Variants in GSTZ1 observed in about 807,000 individuals in gnomAD.
GSTZ1 encodes glutathione S-transferase zeta 1.
Under a neutral mutation model 35.9 loss-of-function variants are expected in GSTZ1, and 34 were observed. The ratio of observed to expected loss-of-function variants is 0.95; its 90% CI spans 0.72 to 1.26. The LOEUF is 1.26. Ranked by LOEUF, GSTZ1 falls within the 50% of genes most tolerant of loss-of-function variation. The pLI, the probability that GSTZ1 is intolerant of heterozygous loss-of-function variation, is 0.00. For synonymous variants in GSTZ1, 93 were observed against 101.2 expected, an observed-to-expected ratio of 0.92 and a Z score of 0.49; for missense variants, 263 against 271.7, an observed-to-expected ratio of 0.97 and a Z score of 0.23.
At chr14:77,327,177 C>T (rs1892363117) in intron 3 of GSTZ1, 1 of 593,164 alleles carries the variant, frequency 1.7e-6, no homozygotes, top group East Asian at 2.8e-5. Context: ...GGTCCCCACC[C>T]CATACTGGGC....
intron 1 of GSTZ1, 108 bp downstream of exon 1, chr14:77,321,291 CGGCATGCAGT>C (rs1891937622): frequency 6.6e-7 from 1 of 1,521,156 alleles, no homozygotes; most frequent in Non-Finnish European, 8.9e-7. Flanking sequence ...CAACGACTCC[CGGCATGCAGT>C]GCTTTGCGCC....
intron 1 of GSTZ1, chr14:77,324,570 A>T (rs1892207596): frequency 1.3e-6 from 2 of 1,530,432 alleles, no homozygotes; most frequent in African/African-American, 1.4e-5. Context: ...GCCAGAGGGG[A>T]CATTTCCTGG....
intron 8 of GSTZ1, 149 bp downstream of exon 8, chr14:77,330,508 G>GA: frequency 1.4e-6 from 1 of 707,582 alleles, no homozygotes; most frequent in Non-Finnish European, 2.6e-6. Flanking sequence ...CTGCCTGGAA[G>GA]AGGGCAGAAG....
chr14:77,325,015 G>T (rs980561377), intron 2 of GSTZ1, 94 bp downstream of exon 2: 6 of 1,075,470 alleles, frequency 5.6e-6, no homozygotes, highest in Non-Finnish European at 8.7e-6. Flanking sequence ...TGGAAGGGTT[G>T]CTCTGTCAGA....
intron 1 of GSTZ1, chr14:77,322,817 C>G (rs775139452): frequency 5.5e-5 from 28 of 513,256 alleles, no homozygotes; most frequent in Non-Finnish European, 2.8e-5. Context: ...TGCCATCTAG[C>G]AGACTGAGTT....
At chr14:77,324,635 C>G in intron 1 of GSTZ1, 1 of 1,524,518 alleles carries the variant, frequency 6.6e-7, no homozygotes, top group Non-Finnish European at 8.8e-7. Flanking sequence ...ATGGAAGGCA[C>G]TCTCAGGCTA....
chr14:77,321,522 T>A, intron 1 of GSTZ1: 1 of 1,332,846 alleles, frequency 7.5e-7, no homozygotes, highest in Non-Finnish European at 9.7e-7. Flanking sequence ...GCCTCCCAAT[T>A]TCTCGCAGCC....
intron 8 of GSTZ1, 23 bp downstream of exon 8, chr14:77,330,382 T>G (rs745749371): frequency 1.3e-6 from 2 of 1,588,520 alleles, no homozygotes; most frequent in South Asian, 2.2e-5. Flanking sequence ...CCCGCCACCC[T>G]CCCTTCTCGT....
chr14:77,321,110 C>A lies in GSTZ1; in HGVS notation c.-59C>A. On this transcript the variant is annotated 5_prime_UTR_variant, in exon 1 of 9. Coordinates refer to ENST00000216465, the MANE Select transcript of GSTZ1 (RefSeq NM_145870.3). ...TCGAGTCTCACTGAGCCTTAGTCGTCGGCAGGTCCCAGGCGCGAAGTTTCT... is the reference window on the plus strand; with the variant it reads ...TCGAGTCTCACTGAGCCTTAGTCGTAGGCAGGTCCCAGGCGCGAAGTTTCT... 1 of 1,434,280 alleles carries A rather than the reference C, an allele frequency of 7.0e-7. No homozygotes were observed. The highest frequency in any genetic ancestry group is 9.2e-7 in the Non-Finnish European group (1 of 1,085,672). 88.8% of individuals were successfully genotyped at this position (1,434,280 alleles called of 1,614,324 possible).
intron 8 of GSTZ1, 64 bp downstream of exon 8, chr14:77,330,423 TG>T: frequency 7.6e-7 from 1 of 1,307,746 alleles, no homozygotes; most frequent in Non-Finnish European, 1.1e-6. Flanking sequence ...CCCACTCAGC[TG>T]GCGAGATAGC....
chr14:77,329,055 G>A, intron 5 of GSTZ1, 68 bp from the exon 6 acceptor site: 1 of 1,078,918 alleles, frequency 9.3e-7, no homozygotes, highest in Non-Finnish European at 1.4e-6. Flanking sequence ...TTCCCTGAGG[G>A]GGTTTGGCGA....
chr14:77,327,614 CAT>C lies in GSTZ1; in HGVS notation c.216+63_216+64del, dbSNP rs1368251782. The C allele has an allele frequency of 2.7e-6, 3 of 1,098,504 alleles. No individual in the cohort carries two copies. The African/African-American group carries it at 4.6e-5, about 17-fold the overall frequency. 68.0% of individuals were successfully genotyped at this position (1,098,504 alleles called of 1,614,324 possible). A position where few individuals can be genotyped will look rare whatever the true frequency, so the allele number is the denominator to read the frequency against. ...CAGTGCCCTGAATGAGAGCGCCTGA[CAT>C]CTCTTCCTCGCCTGTGTACAGTCAA... On this transcript the variant is annotated intron_variant, in intron 4 of 8. Transcript: ENST00000216465.
intron 5 of GSTZ1, chr14:77,328,900 T>C: frequency 1.7e-6 from 1 of 586,064 alleles, no homozygotes; most frequent in East Asian, 2.8e-5. Flanking sequence ...CACGTGGCTT[T>C]TTGAGGCCAC....
intron 1 of GSTZ1, among the ~76,000 whole-genome samples, chr14:77,322,185 A>C (rs1358358606): frequency 6.6e-6 from 1 of 152,190 alleles, no homozygotes; most frequent in East Asian, 1.9e-4. Flanking sequence ...CTTTTTCTCA[A>C]ATCATGTGTA....
rs186892065 is a variant in GSTZ1 at position 77,325,242 on chromosome 14, G to A, written c.67+321G>A. The A allele has an allele frequency of 5.8e-4, 200 of 344,058 alleles. No individual in the cohort carries two copies. The East Asian group carries it at 0.01, about 18-fold the overall frequency. The allele number at this position is 344,058 out of a possible 1,614,324, so 21.3% of individuals were successfully genotyped here. ...CACATGCCCCTGGTAACTGGCAGGG[G>A]AACAGCTGGCCCTTCTCAGTTCTTA... is the stretch of plus-strand genomic sequence containing the variant. On this transcript the variant is annotated intron_variant, in intron 2 of 8. Transcript: ENST00000216465.
chr14:77,328,111 C>T (rs770541304), intron 5 of GSTZ1, 74 bp downstream of exon 5: 53 of 1,506,422 alleles, frequency 3.5e-5, no homozygotes, highest in Non-Finnish European at 4.7e-5. Context: ...GTGAGCTGCC[C>T]AGTGTGGGGG....
intron 6 of GSTZ1, 180 bp downstream of exon 6, chr14:77,329,381 C>T (rs916614546): frequency 4.9e-6 from 3 of 616,662 alleles, no homozygotes; most frequent in Admixed American, 5.3e-5. Flanking sequence ...AGCTCCAGCA[C>T]TTCTGGGAAC....
chr14:77,330,705 A>G lies in GSTZ1; in HGVS notation c.524+346A>G, dbSNP rs565051891. ...TGCATCCTTCCGTGAACCCTTTGGTAGGGCACAAATGAGCACCTCTCTGGA... is the reference window on the plus strand; with the variant it reads ...TGCATCCTTCCGTGAACCCTTTGGTGGGGCACAAATGAGCACCTCTCTGGA... On this transcript the variant is annotated intron_variant, in intron 8 of 8. Coordinates refer to ENST00000216465, the MANE Select transcript of GSTZ1 (RefSeq NM_145870.3). Among the ~76,000 whole-genome samples the G allele has an allele frequency of 1.8e-4, 28 of 152,258 alleles. No individual in the cohort carries two copies. The South Asian group carries it at 3.5e-3, about 19-fold the overall frequency.
chr14:77,329,846 G>A, intron 7 of GSTZ1, 39 bp downstream of exon 7: 1 of 1,502,682 alleles, frequency 6.7e-7, no homozygotes, highest in Non-Finnish European at 9.3e-7. Flanking sequence ...CAGCCACAGT[G>A]GCTGCCTCCC....
Sources: gnomAD v4.1 joint callset for allele counts (sites outside exome capture counted in the v4.1 genomes callset) on GRCh38, gnomAD v4.1.1 for gene constraint, MANE v1.5 for transcripts, NCBI Gene and HGNC (gene_info 2026-07-23, HGNC 2026-07-21) for gene names.